VTI1A: variants seen among roughly 807,000 people sequenced by gnomAD.
The protein encoded by VTI1A is vesicle transport through interaction with t-SNAREs homolog 1A.
In VTI1A, 22 loss-of-function variants were observed where a neutral mutation model predicts 34.9. That is an observed-to-expected ratio of 0.63 (90% CI 0.45 to 0.90). The LOEUF (loss-of-function observed/expected upper bound fraction) is 0.90. Ranked by LOEUF, VTI1A falls within the 40% of genes least tolerant of loss-of-function variation. The pLI is 0.00. For missense variants in VTI1A, 268 were observed against 275.6 expected (o/e 0.97, Z 0.20); for synonymous variants, 87 against 97.3 (o/e 0.89, Z 0.62).
intron 5 of VTI1A, among the ~76,000 whole-genome samples, chr10:112,588,222 G>A (rs1844236951): frequency 6.6e-6 from 1 of 152,168 alleles, no homozygotes; most frequent in Admixed American, 6.5e-5. Context: ...AATCTAAGTG[G>A]CCTAGAGCAA....
At chr10:112,786,099 G>A (rs1852279849) in intron 7 of VTI1A, among the ~76,000 whole-genome samples, 1 of 152,108 alleles carries the variant, frequency 6.6e-6, no homozygotes, top group South Asian at 2.1e-4. Flanking sequence ...GAATGGAATT[G>A]TTCCTCATTT....
intron 7 of VTI1A, among the ~76,000 whole-genome samples, chr10:112,703,809 C>A (rs118129260): frequency 6.6e-6 from 1 of 152,100 alleles, no homozygotes; most frequent in Non-Finnish European, 1.5e-5. Context: ...GATAGATGCA[C>A]TGTAGAGTGT....
chr10:112,643,317 A>G (rs1341699199), intron 5 of VTI1A, among the ~76,000 whole-genome samples: 1 of 151,862 alleles, frequency 6.6e-6, no homozygotes, highest in South Asian at 2.1e-4. Flanking sequence ...CATGTTTTCT[A>G]TTTCAATTAT....
intron 7 of VTI1A, among the ~76,000 whole-genome samples, chr10:112,765,602 G>A (rs1194559958): frequency 6.6e-6 from 1 of 152,212 alleles, no homozygotes; most frequent in Non-Finnish European, 1.5e-5. Flanking sequence ...AGGTGCTGGG[G>A]AAATATTGGT....
chr10:112,574,058 T>C (rs570318124), intron 5 of VTI1A, among the ~76,000 whole-genome samples: 1 of 152,296 alleles, frequency 6.6e-6, no homozygotes, highest in East Asian at 1.9e-4. Context: ...TTAAATTCCA[T>C]TTTTTTCTAA....
chr10:112,602,814 T>C lies in VTI1A; in HGVS notation c.427+64484T>C, dbSNP rs145983880. Reference sequence around the variant, plus strand: ...TTTATTTTAATTTTGTAAACACTTATTTGGGTGATTTTTTTTATGAAAGCC... The same window carrying C: ...TTTATTTTAATTTTGTAAACACTTACTTGGGTGATTTTTTTTATGAAAGCC... On this transcript the variant is annotated intron_variant, in intron 5 of 7. Coordinates refer to ENST00000393077, the MANE Select transcript of VTI1A (RefSeq NM_145206.4). Among the ~76,000 whole-genome samples, 5 of 152,338 alleles carry C rather than the reference T, an allele frequency of 3.3e-5. No homozygotes were observed. The East Asian group carries it at 7.7e-4, about 23-fold the overall frequency.
intron 7 of VTI1A, chr10:112,752,305 G>A (rs546687589): frequency 2.1e-6 from 2 of 947,588 alleles, no homozygotes; most frequent in African/African-American, 3.6e-5. Flanking sequence ...CTTCTCTGTT[G>A]TCATACTGAT....
At chr10:112,687,219 CTTTTTTTT>C (rs71303594) in intron 7 of VTI1A, among the ~76,000 whole-genome samples, 2 of 84,564 alleles carry the variant, frequency 2.4e-5, no homozygotes, top group Non-Finnish European at 4.4e-5. Context: ...CATACTACAA[CTTTTTTTT>C]TTTTTTTTTT....
At position 112,708,128 on chromosome 10, in the gene VTI1A, T is replaced by C. The variant is rs556457758; in HGVS notation, c.560+39130T>C. Among the ~76,000 whole-genome samples the C allele has an allele frequency of 5.3e-5, 8 of 152,348 alleles. No individual in the cohort carries two copies. The South Asian group carries it at 1.7e-3, about 32-fold the overall frequency. On this transcript the variant is annotated intron_variant, in intron 7 of 7. Transcript: ENST00000393077. ...AACACAAGGACTCATTGCTTCTCACTGGTATCAGTGGGCCTGTCCTTCCAC... is the reference window on the plus strand; with the variant it reads ...AACACAAGGACTCATTGCTTCTCACCGGTATCAGTGGGCCTGTCCTTCCAC...
chr10:112,660,428 C>G (rs868678959), intron 5 of VTI1A, among the ~76,000 whole-genome samples: 5 of 152,120 alleles, frequency 3.3e-5, no homozygotes, highest in Non-Finnish European at 7.3e-5. Flanking sequence ...CCAAGTGGCA[C>G]TAAAGATCAT....
the VTI1A span, among the ~76,000 whole-genome samples, chr10:112,835,518 C>T: frequency 3.9e-5 from 6 of 152,098 alleles, no homozygotes; most frequent in Non-Finnish European, 7.3e-5. Flanking sequence ...GCCAAGTGTC[C>T]CGTTACTGTA....
chr10:112,463,451 CA>C (rs1253575445), intron 2 of VTI1A, among the ~76,000 whole-genome samples: 1 of 152,068 alleles, frequency 6.6e-6, no homozygotes, highest in Non-Finnish European at 1.5e-5. Context: ...AAAACTAAGG[CA>C]CAGAGACATT....
At chr10:112,650,680 C>T (rs113203963) in intron 5 of VTI1A, among the ~76,000 whole-genome samples, 150 of 152,232 alleles carry the variant, frequency 9.9e-4, no homozygotes, top group African/African-American at 3.5e-3. Context: ...CTACGATGTT[C>T]GACAGCTACC....
chr10:112,447,534 C>G (rs1167174937), intron 1 of VTI1A, 67 bp downstream of exon 1: 1 of 1,551,044 alleles, frequency 6.4e-7, no homozygotes, highest in African/African-American at 1.4e-5. Flanking sequence ...GGTGGAACGC[C>G]GCCCGAGTAA....
intron 3 of VTI1A, among the ~76,000 whole-genome samples, chr10:112,497,514 A>G (rs1399522760): frequency 6.6e-6 from 1 of 152,172 alleles, no homozygotes; most frequent in Non-Finnish European, 1.5e-5. Flanking sequence ...ATTAACATAC[A>G]CACACACGTA....
intron 3 of VTI1A, among the ~76,000 whole-genome samples, chr10:112,494,528 C>T (rs1166984189): frequency 6.6e-6 from 1 of 151,990 alleles, no homozygotes; most frequent in African/African-American, 2.4e-5. Flanking sequence ...CTTCTTTCCT[C>T]CTCCTTTCCT....
rs74962256 is a variant in VTI1A, at chr10:112,675,315, C to T, written c.560+6317C>T. The stretch of plus-strand genomic sequence containing the variant: ...TAAGGGAACCACGGGTAAATATCAT[C>T]AGGGTCTACATAAGTCATCTGCCTC... On this transcript the variant is annotated intron_variant, in intron 7 of 7. Transcript: ENST00000393077. Among the ~76,000 whole-genome samples, 321 of 152,336 alleles carry T rather than the reference C, an allele frequency of 2.1e-3. 1 individual carries two copies. The highest frequency in any genetic ancestry group is 4.0e-3 in the Non-Finnish European group (273 of 68,028).
At chr10:112,854,770 C>T in the VTI1A span, among the ~76,000 whole-genome samples, 35 of 152,252 alleles carry the variant, frequency 2.3e-4, no homozygotes, top group African/African-American at 6.7e-4. Context: ...GGAGAGCAAT[C>T]GGGAAGCGAT....
rs145315563 is a variant in VTI1A, at chr10:112,657,381, G to T, written c.428-10837G>T. On this transcript the variant is annotated intron_variant, in intron 5 of 7. Coordinates refer to ENST00000393077, the MANE Select transcript of VTI1A (RefSeq NM_145206.4). ...CTTCTTTCTTTCTGTGTGCTCAGAAGAGTCAAGATATATAAAAATACTATA... is the reference window on the plus strand; with the variant it reads ...CTTCTTTCTTTCTGTGTGCTCAGAATAGTCAAGATATATAAAAATACTATA... Among the ~76,000 whole-genome samples, 711 of 152,178 alleles carry T rather than the reference G, an allele frequency of 4.7e-3. 5 individuals carry two copies. The highest frequency in any genetic ancestry group is 0.016 in the African/African-American group (681 of 41,504).
Sources: allele counts gnomAD v4.1 joint callset (sites outside exome capture counted in the v4.1 genomes callset), GRCh38; gene constraint gnomAD v4.1.1; transcripts MANE v1.5; gene names NCBI Gene and HGNC (gene_info 2026-07-23, HGNC 2026-07-21).